The following PRLR variants were observed in gnomAD, a reference collection of about 807,000 sequenced individuals.
PRLR encodes hPRL receptor.
Under a neutral mutation model 40.2 loss-of-function variants are expected in PRLR, and 13 were observed. The observed-to-expected ratio is 0.32, with a 90% CI of 0.21 to 0.51. The LOEUF (loss-of-function observed/expected upper bound fraction) is 0.51. Among genes scored for constraint, PRLR ranks in the 20% least tolerant of loss-of-function variants. PRLR has a pLI of 0.97. For missense variants in PRLR, 656 were observed against 747.3 expected (o/e 0.88, Z 1.42); for synonymous variants, 269 against 278.7 (o/e 0.97, Z 0.35).
chr5:35,175,103 A>G (rs1775107654), intron 1 of PRLR, among the ~76,000 whole-genome samples: 1 of 152,210 alleles, frequency 6.6e-6, no homozygotes, highest in East Asian at 1.9e-4. Context: ...ATAGATAGAT[A>G]GATAGTTGAT....
intron 1 of PRLR, among the ~76,000 whole-genome samples, chr5:35,175,268 T>C (rs1191795909): frequency 6.6e-6 from 1 of 152,202 alleles, no homozygotes; most frequent in Middle Eastern, 3.2e-3. Context: ...CAAGATCTGA[T>C]AGTTTTGAAA....
At chr5:35,049,222 G>T in exon 9 of PRLR, 3 of 702,166 alleles carry the variant, frequency 4.3e-6, no homozygotes, top group Non-Finnish European at 7.8e-6. Context: ...TGCACAGTCT[G>T]TCCTGTGGTT....
intron 2 of PRLR, among the ~76,000 whole-genome samples, chr5:35,094,853 G>T (rs1263264859): frequency 2.0e-5 from 3 of 148,026 alleles, no homozygotes; most frequent in South Asian, 2.2e-4. Context: ...TTTGAGACGG[G>T]GTCTTGTTCT....
intron 2 of PRLR, among the ~76,000 whole-genome samples, chr5:35,098,357 C>A (rs1377969755): frequency 6.6e-6 from 1 of 152,118 alleles, no homozygotes. Flanking sequence ...CCAGCTGAAC[C>A]CAGCCAATTC....
intron 1 of PRLR, among the ~76,000 whole-genome samples, chr5:35,229,878 C>A (rs1289617821): frequency 6.6e-6 from 1 of 152,020 alleles, no homozygotes; most frequent in Non-Finnish European, 1.5e-5. Context: ...TTTATTTTGA[C>A]GCAAATAATT....
intron 1 of PRLR, among the ~76,000 whole-genome samples, chr5:35,136,030 T>C (rs552790905): frequency 1.2e-3 from 178 of 152,330 alleles, no homozygotes; most frequent in Non-Finnish European, 2.3e-3. Flanking sequence ...TGAGAAGTTA[T>C]GAAGTAGAAA....
intron 2 of PRLR, among the ~76,000 whole-genome samples, chr5:35,109,785 C>T (rs1772526519): frequency 6.6e-6 from 1 of 152,150 alleles, no homozygotes; most frequent in South Asian, 2.1e-4. Flanking sequence ...TAAACTAGTT[C>T]AACCATTGTG....
chr5:35,200,481 T>C (rs1160855470), intron 1 of PRLR, among the ~76,000 whole-genome samples: 1 of 152,220 alleles, frequency 6.6e-6, no homozygotes, highest in Non-Finnish European at 1.5e-5. Context: ...TTCAATTATA[T>C]ATTCTTCGTG....
intron 1 of PRLR, among the ~76,000 whole-genome samples, chr5:35,210,912 A>G (rs1292204386): frequency 6.6e-6 from 1 of 152,090 alleles, no homozygotes; most frequent in Non-Finnish European, 1.5e-5. Flanking sequence ...GCATTTCGCT[A>G]TGTTGCCCAG....
chr5:35,174,865 C>G (rs1196065675), intron 1 of PRLR, among the ~76,000 whole-genome samples: 1 of 152,180 alleles, frequency 6.6e-6, no homozygotes, highest in East Asian at 1.9e-4. Context: ...GAGACTTGCT[C>G]TACTTGGACC....
intron 1 of PRLR, among the ~76,000 whole-genome samples, chr5:35,198,666 T>C (rs1298018228): frequency 6.6e-6 from 1 of 152,218 alleles, no homozygotes; most frequent in Non-Finnish European, 1.5e-5. Flanking sequence ...CAGAAAAATA[T>C]GTTAGCTGCT....
intron 1 of PRLR, among the ~76,000 whole-genome samples, chr5:35,196,495 C>T (rs1250356716): frequency 6.6e-6 from 1 of 152,214 alleles, no homozygotes; most frequent in African/African-American, 2.4e-5. Context: ...CAAAGCCTGA[C>T]TCCATCAGCC....
At chr5:35,070,841 C>CAAAAAAAAAAAAAAA (rs34668616) in intron 6 of PRLR, among the ~76,000 whole-genome samples, 5 of 69,164 alleles carry the variant, frequency 7.2e-5, no homozygotes, top group African/African-American at 9.9e-5. Flanking sequence ...AACTCCGTCT[C>CAAAAAAAAAAAAAAA]AAAAAAAAAA....
Position 35,090,323 on chromosome 5 carries a change from A to G in PRLR, c.-43-660T>C, listed in dbSNP as rs147600721. Among the ~76,000 whole-genome samples, 59 of 152,316 alleles carry G rather than the reference A, an allele frequency of 3.9e-4. No homozygotes were observed. The East Asian group carries it at 9.6e-3, about 25-fold the overall frequency. On this transcript the variant is annotated intron_variant, in intron 2 of 9. Transcript: ENST00000618457. Reference sequence around the variant, plus strand: ...AATTTAAATTCCTTGGGTTCAGAGTATTAAGTAAATTCTGAACCTGCAGGG... The same window carrying G: ...AATTTAAATTCCTTGGGTTCAGAGTGTTAAGTAAATTCTGAACCTGCAGGG...
chr5:35,107,023 T>C (rs1456459386), intron 2 of PRLR, among the ~76,000 whole-genome samples: 1 of 152,150 alleles, frequency 6.6e-6, no homozygotes, highest in African/African-American at 2.4e-5. Flanking sequence ...TATAACAAAC[T>C]GTCTCTCAGA....
chr5:35,050,932 A>G (rs1343358363), downstream of PRLR, among the ~76,000 whole-genome samples: 1 of 152,224 alleles, frequency 6.6e-6, no homozygotes, highest in Non-Finnish European at 1.5e-5. Flanking sequence ...TGCTGTGTGC[A>G]GAGTGTTCAG....
At chr5:35,104,443 T>A (rs1772094385) in intron 2 of PRLR, among the ~76,000 whole-genome samples, 1 of 151,838 alleles carries the variant, frequency 6.6e-6, no homozygotes, top group Non-Finnish European at 1.5e-5. Context: ...CCGGGAAGTG[T>A]AAGGGGTCGG....
intron 1 of PRLR, among the ~76,000 whole-genome samples, chr5:35,178,789 A>G (rs1170990935): frequency 6.6e-6 from 1 of 152,206 alleles, no homozygotes; most frequent in African/African-American, 2.4e-5. Flanking sequence ...TACTATCAAT[A>G]TTAATATACT....
intron 1 of PRLR, among the ~76,000 whole-genome samples, chr5:35,229,970 G>A (rs79065092): frequency 5.3e-5 from 8 of 152,196 alleles, no homozygotes; most frequent in Non-Finnish European, 1.2e-4. Flanking sequence ...AGGCGAATGC[G>A]AGCCGAGTGC....
Sources: allele counts gnomAD v4.1 joint callset (sites outside exome capture counted in the v4.1 genomes callset), GRCh38; gene constraint gnomAD v4.1.1; transcripts MANE v1.5; gene names NCBI Gene and HGNC (gene_info 2026-07-23, HGNC 2026-07-21).